PKN2: variants seen among roughly 807,000 people sequenced by gnomAD.
The protein encoded by PKN2 is protein kinase N2, also known as serine/threonine-protein kinase N2.
Under a neutral mutation model 119.1 loss-of-function variants are expected in PKN2, and 38 were observed. That is an observed-to-expected ratio of 0.32 (90% CI 0.25 to 0.42). The LOEUF (loss-of-function observed/expected upper bound fraction) is 0.42. PKN2 is among the 10% of genes least tolerant of loss of function. The pLI, the probability that PKN2 is intolerant of heterozygous loss-of-function variation, is 1.00. For missense variants in PKN2, 850 were observed against 1,165.1 expected (o/e 0.73, Z 3.94); for synonymous variants, 390 against 384.9 (o/e 1.01, Z -0.15).
intron 8 of PKN2, among the ~76,000 whole-genome samples, chr1:88,798,253 TATATA>T (rs1240556671): frequency 1.3e-5 from 2 of 151,536 alleles, no homozygotes; most frequent in African/African-American, 4.8e-5. Flanking sequence ...GATTATTAAA[TATATA>T]ATATAAAATA....
intron 1 of PKN2, among the ~76,000 whole-genome samples, chr1:88,737,725 G>C (rs1222560676): frequency 6.6e-6 from 1 of 152,126 alleles, no homozygotes; most frequent in Non-Finnish European, 1.5e-5. Context: ...ATGGGGTTCT[G>C]CCTGGTGTTG....
At chr1:88,832,961 G>A in intron 20 of PKN2, 110 bp downstream of exon 20, 1 of 1,224,942 alleles carries the variant, frequency 8.2e-7, no homozygotes, top group Non-Finnish European at 1.1e-6. Context: ...CATAAATGTT[G>A]CATGGCTTAG....
intron 6 of PKN2, among the ~76,000 whole-genome samples, chr1:88,777,556 G>A (rs1363027099): frequency 1.3e-5 from 2 of 152,154 alleles, no homozygotes; most frequent in African/African-American, 2.4e-5. Flanking sequence ...GAATGTAGTT[G>A]TTTGCCTAGT....
In PKN2 at chr1:88,733,916, T is replaced by TG. The variant is rs199757545; in HGVS notation, c.49-7065dup. 1.1e-3 allele frequency among the ~76,000 whole-genome samples: 164 copies of TG among 152,190 alleles called. 2 individuals carry two copies. The East Asian group carries it at 0.026, about 24-fold the overall frequency. ...GCTCACGCCTATAATCCCAACAATT[T>TG]GGGGGGGTCAAGGCAGGAGGATCAC... On this transcript the variant is annotated intron_variant, in intron 1 of 21. Coordinates refer to ENST00000370521, the MANE Select transcript of PKN2 (RefSeq NM_006256.4).
intron 1 of PKN2, among the ~76,000 whole-genome samples, chr1:88,696,814 A>T (rs1046334114): frequency 1.3e-5 from 2 of 152,080 alleles, no homozygotes; most frequent in African/African-American, 2.4e-5. Flanking sequence ...TATAGAATAA[A>T]ATATATTTAT....
At chr1:88,770,770 A>T (rs1028450893) in intron 4 of PKN2, among the ~76,000 whole-genome samples, 1 of 151,194 alleles carries the variant, frequency 6.6e-6, no homozygotes, top group African/African-American at 2.4e-5. Context: ...TATTTTTAGT[A>T]GAGACGGGGT....
intron 2 of PKN2, among the ~76,000 whole-genome samples, chr1:88,746,656 GGTATTGTAACATTA>G (rs1668782162): frequency 6.6e-6 from 1 of 152,034 alleles, no homozygotes; most frequent in African/African-American, 2.4e-5. Flanking sequence ...CATTGTTGGT[GGTATTGTAACATTA>G]GTATGGCCAC....
At chr1:88,804,651 C>A in intron 9 of PKN2, 117 bp downstream of exon 9, 1 of 1,000,946 alleles carries the variant, frequency 1.0e-6, no homozygotes, top group Non-Finnish European at 1.5e-6. Flanking sequence ...GAGTTCTTGG[C>A]TGAGCTATGC....
At chr1:88,729,769 G>A (rs768706962) in intron 1 of PKN2, among the ~76,000 whole-genome samples, 2 of 152,080 alleles carry the variant, frequency 1.3e-5, no homozygotes, top group Non-Finnish European at 2.9e-5. Context: ...TTCACTTGAG[G>A]CCATTTTGTA....
intron 8 of PKN2, among the ~76,000 whole-genome samples, chr1:88,793,396 A>T (rs1042407667): frequency 2.6e-5 from 4 of 152,132 alleles, no homozygotes; most frequent in Non-Finnish European, 4.4e-5. Context: ...TCCAAAAAAG[A>T]TTCCAGTATA....
chr1:88,811,879 A>G (rs1671794615), intron 15 of PKN2, among the ~76,000 whole-genome samples: 1 of 152,128 alleles, frequency 6.6e-6, no homozygotes, highest in African/African-American at 2.4e-5. Context: ...CCTTTATTTG[A>G]TTCCTGTCAT....
chr1:88,785,768 C>T lies in PKN2; in HGVS notation c.1172-336C>T, dbSNP rs536491994. 3.3e-5 allele frequency among the ~76,000 whole-genome samples: 5 copies of T among 152,254 alleles called. No individual in the cohort carries two copies. In the South Asian group the frequency reaches 1.0e-3, roughly 32 times the overall value. On this transcript the variant is annotated intron_variant, in intron 7 of 21. Transcript: ENST00000370521. ...ATAAGGAATTGTTTAAGGAAACAAG[C>T]TCTATAAATATAAGATATAGAAAGA...
intron 1 of PKN2, among the ~76,000 whole-genome samples, chr1:88,709,362 T>C (rs2100681742): frequency 6.6e-6 from 1 of 152,198 alleles, no homozygotes; most frequent in African/African-American, 2.4e-5. Context: ...CATCAAAATA[T>C]TTAAGAGTAA....
intron 17 of PKN2, among the ~76,000 whole-genome samples, chr1:88,822,848 G>A (rs1291018503): frequency 6.6e-6 from 1 of 152,012 alleles, no homozygotes; most frequent in Admixed American, 6.6e-5. Flanking sequence ...CAAAGTGCTG[G>A]GATTACAGTT....
intron 8 of PKN2, among the ~76,000 whole-genome samples, chr1:88,787,581 ACAG>A (rs1670632861): frequency 6.6e-6 from 1 of 152,214 alleles, no homozygotes. Flanking sequence ...AGAGGAGGAA[ACAG>A]CAGAAGATGA....
chr1:88,728,234 A>G (rs900215427), intron 1 of PKN2, among the ~76,000 whole-genome samples: 5 of 151,816 alleles, frequency 3.3e-5, no homozygotes, highest in Admixed American at 2.6e-4. Flanking sequence ...ATATAAGCCT[A>G]CTCAATCTTG....
intron 1 of PKN2, among the ~76,000 whole-genome samples, chr1:88,701,562 A>AT (rs1393779783): frequency 6.6e-6 from 1 of 152,182 alleles, no homozygotes; most frequent in Admixed American, 6.5e-5. Flanking sequence ...TTCTGACTTT[A>AT]TTTTGTCTAG....
chr1:88,793,947 TG>T (rs1467846163), intron 8 of PKN2, among the ~76,000 whole-genome samples: 1 of 152,114 alleles, frequency 6.6e-6, no homozygotes, highest in Non-Finnish European at 1.5e-5. Context: ...ATACAGAGGG[TG>T]GACTGTATAT....
intron 1 of PKN2, among the ~76,000 whole-genome samples, chr1:88,694,015 G>A (rs1476187107): frequency 4.6e-5 from 7 of 152,254 alleles, no homozygotes; most frequent in Non-Finnish European, 8.8e-5. Flanking sequence ...CAGCAAAATC[G>A]AGAGGAAGGT....
Sources: gnomAD v4.1 joint callset for allele counts (sites outside exome capture counted in the v4.1 genomes callset) on GRCh38, gnomAD v4.1.1 for gene constraint, MANE v1.5 for transcripts, NCBI Gene and HGNC (gene_info 2026-07-23, HGNC 2026-07-21) for gene names.